Variants in DDX6 observed in about 807,000 individuals in gnomAD.
The protein encoded by DDX6 is DEAD-box helicase 6, also known as probable ATP-dependent RNA helicase DDX6.
Under a neutral mutation model 60.6 loss-of-function variants are expected in DDX6, and 7 were observed. That is an observed-to-expected ratio of 0.12 (90% CI 0.07 to 0.22). The LOEUF is 0.22. Ranked by LOEUF, DDX6 falls within the 10% of genes least tolerant of loss-of-function variation. DDX6 has a pLI of 1.00. For synonymous variants in DDX6, 207 were observed against 201.0 expected, an observed-to-expected ratio of 1.03 and a Z score of -0.25; for missense variants, 270 against 589.9, an observed-to-expected ratio of 0.46 and a Z score of 5.62.
intron 5 of DDX6, among the ~76,000 whole-genome samples, chr11:118,765,635 C>T (rs11217019): frequency 2.0e-5 from 3 of 151,786 alleles, no homozygotes; most frequent in African/African-American, 2.4e-5. Flanking sequence ...ATTATCCAGG[C>T]GTGGTGGCAC....
At chr11:118,754,656 G>A in intron 13 of DDX6, 49 bp downstream of exon 13, 1 of 1,505,580 alleles carries the variant, frequency 6.6e-7, no homozygotes, top group African/African-American at 1.4e-5. Context: ...AGAAGATTTT[G>A]ATTTCCCTCA....
rs1358117411 is a variant in DDX6, at chr11:118,751,723, G to A, written c.*382C>T. ...GAATCAGGGAGAAGTTGAAATGCAC[G>A]AGAGTCAGCTGTTGGAGAATTTTGA... On this transcript the variant is annotated 3_prime_UTR_variant, in exon 14 of 14. Transcript: ENST00000534980. 2.1e-5 allele frequency: 6 copies of A among 289,090 alleles called. No homozygotes were observed. Among genetic ancestry groups the A allele is most frequent in the African/African-American group, 9.1e-5 (4 of 44,030 alleles). The allele number at this position is 289,090 out of a possible 1,614,324, so 17.9% of individuals were successfully genotyped here.
intron 2 of DDX6, among the ~76,000 whole-genome samples, chr11:118,784,358 G>A (rs1862004038): frequency 6.6e-6 from 1 of 152,148 alleles, no homozygotes; most frequent in East Asian, 1.9e-4. Context: ...TTTTCTGTAG[G>A]AAGTGAAAAG....
rs1459502448 is a variant in DDX6, at chr11:118,750,839, A to T, written c.*1266T>A. 1 of 152,392 alleles carries T rather than the reference A, an allele frequency of 6.6e-6. No homozygotes were observed. The highest frequency in any genetic ancestry group is 2.4e-5 in the African/African-American group (1 of 41,368). 9.4% of individuals were successfully genotyped at this position (152,392 alleles called of 1,614,324 possible). A position where few individuals can be genotyped will look rare whatever the true frequency, so the allele number is the denominator to read the frequency against. ...TGCTCTCTCTGGTAAACCTACTCCA[A>T]AGGTACTAGATGAGACAGTGTGGCA... On this transcript the variant is annotated 3_prime_UTR_variant, in exon 14 of 14. Transcript: ENST00000534980.
chr11:118,768,987 C>CAAAAAAAAAAAAAAAAAAA lies in DDX6; in HGVS notation c.370-654_370-636dup, dbSNP rs782136763. On this transcript the variant is annotated intron_variant, in intron 4 of 13. Coordinates refer to ENST00000534980, the MANE Select transcript of DDX6 (RefSeq NM_004397.6). The stretch of plus-strand genomic sequence containing the variant: ...GCATGAAAGAGACCTCGTCTCATCT[C>CAAAAAAAAAAAAAAAAAAA]AAAAAAAAAAAAAAAAAAAAAAGGC... Among the ~76,000 whole-genome samples, 3 of 39,984 alleles carry CAAAAAAAAAAAAAAAAAAA rather than the reference C, an allele frequency of 7.5e-5. 1 individual carries two copies. The highest frequency in any genetic ancestry group is 4.8e-4 in the Admixed American group (1 of 2,070). 26.2% of individuals were successfully genotyped at this position (39,984 alleles called of 152,430 possible).
rs10892289 is a variant in DDX6 at position 118,775,294 on chromosome 11, C to G, written c.369+4338G>C. ...GCACACCATTGCACTCCAGCCTGAG[C>G]GACAGAGCAAAACCCTGTCTCAAAA... On this transcript the variant is annotated intron_variant, in intron 4 of 13. Transcript: ENST00000534980. Among the ~76,000 whole-genome samples the G allele has an allele frequency of 3.3e-5, 5 of 152,070 alleles. No individual in the cohort carries two copies. In the South Asian group the frequency reaches 1.0e-3, roughly 32 times the overall value.
intron 1 of DDX6, chr11:118,790,252 C>T (rs1182397682): frequency 1.3e-5 from 2 of 151,958 alleles, no homozygotes; most frequent in African/African-American, 4.8e-5. Flanking sequence ...CGCACCCCGC[C>T]CCACGCCCCA....
Position 118,754,786 on chromosome 11 carries a change from T to C in DDX6, c.1378A>G (p.Ile460Val). The C allele has an allele frequency of 6.2e-7, 1 of 1,613,932 alleles. No individual in the cohort carries two copies. Among genetic ancestry groups the C allele is most frequent in the Non-Finnish European group, 8.5e-7 (1 of 1,179,866 alleles). Residue 460 changes from isoleucine to valine, a missense_variant, in exon 13 of 14, where the codon ATT becomes GTT. Transcript: ENST00000534980. The part of the protein sequence containing the change: ...EEQLGTEIKP[I>V]PSNIDKSLYV... The stretch of plus-strand genomic sequence containing the variant: ...AGGCTCTTATCAATGTTGCTCGGAA[T>C]AGGTTTAATTTCTGTTCCCAGCTGC...
chr11:118,763,253 C>A lies in DDX6; in HGVS notation c.700G>T (p.Val234Leu). 1 of 1,612,440 alleles carries A rather than the reference C, an allele frequency of 6.2e-7. No homozygotes were observed. Among genetic ancestry groups the A allele is most frequent in the Non-Finnish European group, 8.5e-7 (1 of 1,179,324 alleles). The change falls in exon 7 of 14, where the codon GTA (valine) becomes TTA (leucine). Residue 234 changes from valine to leucine, a missense_variant. Transcript: ENST00000534980. ...ATCTGGACATGATCAACCTTTGCTA[C>A]TCCTTTCTTAATAAGATCCAGGATT... ...GRILDLIKKG[V>L]AKVDHVQMIV... is the part of the protein sequence containing the mutation.
chr11:118,772,601 G>T (rs562739675), intron 4 of DDX6, among the ~76,000 whole-genome samples: 2 of 152,016 alleles, frequency 1.3e-5, no homozygotes, highest in African/African-American at 2.4e-5. Flanking sequence ...GCACTAAAAA[G>T]CATTAAATTG....
At chr11:118,783,031 A>T (rs929397539) in intron 2 of DDX6, among the ~76,000 whole-genome samples, 1 of 152,110 alleles carries the variant, frequency 6.6e-6, no homozygotes, top group Admixed American at 6.6e-5. Flanking sequence ...CGTAAGATAC[A>T]ATGCAAAACC....
chr11:118,756,179 T>A (rs1591885135), intron 11 of DDX6, 81 bp downstream of exon 11: 2 of 1,066,244 alleles, frequency 1.9e-6, no homozygotes, highest in Non-Finnish European at 2.9e-6. Flanking sequence ...TGTCACAGGT[T>A]GCACTATGTA....
Position 118,751,737 on chromosome 11 carries a change from G to GA in DDX6, c.*367_*368insT. 3.4e-6 allele frequency: 1 copy of GA among 294,446 alleles called. No individual in the cohort carries two copies. Among genetic ancestry groups the GA allele is most frequent in the Non-Finnish European group, 6.7e-6 (1 of 150,058 alleles). The allele number at this position is 294,446 out of a possible 1,614,324, so 18.2% of individuals were successfully genotyped here. The stretch of plus-strand genomic sequence containing the variant: ...TTGAAATGCACGAGAGTCAGCTGTT[G>GA]GAGAATTTTGAAATCATTGACAAGC... On this transcript the variant is annotated 3_prime_UTR_variant, in exon 14 of 14. Coordinates refer to ENST00000534980, the MANE Select transcript of DDX6 (RefSeq NM_004397.6).
chr11:118,782,138 G>A (rs1210055759), intron 2 of DDX6, among the ~76,000 whole-genome samples: 4 of 152,128 alleles, frequency 2.6e-5, no homozygotes, highest in Admixed American at 6.6e-5. Flanking sequence ...GCTTGAACCC[G>A]GGAGCCAAGA....
intron 7 of DDX6, among the ~76,000 whole-genome samples, chr11:118,761,861 GAAA>G (rs11296874): frequency 7.5e-6 from 1 of 134,010 alleles, no homozygotes; most frequent in African/African-American, 2.7e-5. Context: ...AAATTAAATG[GAAA>G]AAAAAAAAAA....
chr11:118,765,287 G>C lies in DDX6; in HGVS notation c.568C>G (p.His190Asp), dbSNP rs1555161075. Reference protein sequence around the residue: ...VSQICIQVSKHMGGAKVMATT... With the variant: ...VSQICIQVSKDMGGAKVMATT... The stretch of plus-strand genomic sequence containing the variant: ...GCCATCACTTTGGCCCCTCCCATGT[G>C]TTTGCTGACCTGGATGCAAATTTGA... The change falls in exon 6 of 14, where the codon CAC becomes GAC. Residue 190 changes from histidine to aspartate, a missense_variant. By Grantham distance (81) the His-to-Asp change is moderately conservative. This residue lies in a region of DDX6 where 17 missense variants were observed against 81.7 expected (regional missense o/e 0.21). Transcript: ENST00000534980. 1 of 1,613,624 alleles carries C rather than the reference G, an allele frequency of 6.2e-7. No individual in the cohort carries two copies. Among genetic ancestry groups the C allele is most frequent in the African/African-American group, 1.3e-5 (1 of 75,002 alleles).
chr11:118,766,006 G>C (rs1451423941), intron 5 of DDX6, among the ~76,000 whole-genome samples: 1 of 152,130 alleles, frequency 6.6e-6, no homozygotes, highest in African/African-American at 2.4e-5. Context: ...GAGAGGCAGA[G>C]ATTGTGGTGA....
In DDX6 at chr11:118,747,988, C is replaced by A. The variant is rs1471241656; in HGVS notation, c.*4117G>T. 11 of 146,760 alleles carry A rather than the reference C, an allele frequency of 7.5e-5. No individual in the cohort carries two copies. Among genetic ancestry groups the A allele is most frequent in the African/African-American group, 2.8e-4 (11 of 39,384 alleles). 9.1% of individuals were successfully genotyped at this position (146,760 alleles called of 1,614,324 possible). A position where few individuals can be genotyped will look rare whatever the true frequency, so the allele number is the denominator to read the frequency against. On this transcript the variant is annotated 3_prime_UTR_variant, in exon 14 of 14. Transcript: ENST00000534980. The stretch of plus-strand genomic sequence containing the variant: ...ATGTTTCTGAAATTTTGAGTTCCCA[C>A]TGTTCACTTCTCAGTGGAACTGGTC...
intron 7 of DDX6, among the ~76,000 whole-genome samples, chr11:118,762,484 C>G (rs1861208873): frequency 9.3e-6 from 1 of 107,908 alleles, no homozygotes; most frequent in Non-Finnish European, 1.8e-5. Flanking sequence ...GCTCCACTTA[C>G]CTTAGCTTAC....
Sources: gnomAD v4.1 joint callset for allele counts (sites outside exome capture counted in the v4.1 genomes callset) on GRCh38, gnomAD v4.1.1 for gene constraint, gnomAD v4.1.1 regional missense constraint, MANE v1.5 for transcripts, NCBI Gene and HGNC (gene_info 2026-07-23, HGNC 2026-07-21) for gene names.